Variants in MAF observed in about 807,000 individuals in gnomAD.
The protein encoded by MAF is transcription factor Maf.
Under a neutral mutation model 22.0 loss-of-function variants are expected in MAF, and 10 were observed. The ratio of observed to expected loss-of-function variants is 0.45; its 90% CI spans 0.28 to 0.77. The LOEUF is 0.77. Ranked by LOEUF, MAF falls within the 30% of genes least tolerant of loss-of-function variation. The pLI, the probability that MAF is intolerant of heterozygous loss-of-function variation, is 0.12. For synonymous variants in MAF, 337 were observed against 255.8 expected (o/e 1.32, Z -3.03); for missense variants, 544 against 548.4 (o/e 0.99, Z 0.08).
the MAF span, among the ~76,000 whole-genome samples, chr16:79,396,957 C>A: frequency 6.6e-6 from 1 of 152,250 alleles, no homozygotes; most frequent in Non-Finnish European, 1.5e-5. Context: ...TCCAGGCCAG[C>A]TGGCCTTGCA....
the MAF span, among the ~76,000 whole-genome samples, chr16:79,288,122 C>A: frequency 1.8e-4 from 28 of 152,056 alleles, no homozygotes; most frequent in Non-Finnish European, 7.4e-5. Flanking sequence ...GAAGGGGAAG[C>A]AGGGGAGGAG....
chr16:79,319,447 T>C, the MAF span, among the ~76,000 whole-genome samples: 1 of 152,240 alleles, frequency 6.6e-6, no homozygotes, highest in Admixed American at 6.5e-5. Flanking sequence ...GGATATTAGC[T>C]AGTGGATTAA....
the MAF span, among the ~76,000 whole-genome samples, chr16:79,419,037 A>T: frequency 6.6e-6 from 1 of 152,256 alleles, no homozygotes; most frequent in Non-Finnish European, 1.5e-5. Context: ...TTATTAAATT[A>T]GTTTTCATAA....
the MAF span, among the ~76,000 whole-genome samples, chr16:79,336,114 C>T: frequency 1.2e-4 from 18 of 152,178 alleles, no homozygotes; most frequent in African/African-American, 4.3e-4. Flanking sequence ...ACCCAGCTCT[C>T]CAAGGTCATG....
the MAF span, among the ~76,000 whole-genome samples, chr16:79,496,490 C>T: frequency 1.3e-5 from 2 of 152,226 alleles, no homozygotes; most frequent in African/African-American, 2.4e-5. Flanking sequence ...CCCTGCATGA[C>T]ACTCCTCAGG....
the MAF span, among the ~76,000 whole-genome samples, chr16:79,560,450 T>G: frequency 6.6e-6 from 1 of 152,102 alleles, no homozygotes; most frequent in Non-Finnish European, 1.5e-5. Context: ...CTATTTTGTT[T>G]TTCTACAACT....
At chr16:79,219,050 G>C in the MAF span, among the ~76,000 whole-genome samples, 100,980 of 152,152 alleles carry the variant, frequency 0.66, 34,400 homozygotes, top group African/African-American at 0.71. Flanking sequence ...TTAGAAAGAA[G>C]TGTCTTGCCT....
the MAF span, among the ~76,000 whole-genome samples, chr16:79,439,643 T>C: frequency 1.3e-5 from 2 of 152,158 alleles, no homozygotes; most frequent in Non-Finnish European, 2.9e-5. Context: ...GCAAAAACAG[T>C]CTGCTCTGCT....
the MAF span, among the ~76,000 whole-genome samples, chr16:79,208,207 C>T: frequency 1.3e-5 from 2 of 152,262 alleles, no homozygotes; most frequent in African/African-American, 2.4e-5. Flanking sequence ...TTGACTAGAT[C>T]GGAAATGGCA....
chr16:79,567,541 A>G, the MAF span, among the ~76,000 whole-genome samples: 1 of 152,120 alleles, frequency 6.6e-6, no homozygotes, highest in African/African-American at 2.4e-5. Context: ...CAATGATATT[A>G]GCAAACTAGT....
At chr16:79,507,070 A>C in the MAF span, among the ~76,000 whole-genome samples, 1 of 151,176 alleles carries the variant, frequency 6.6e-6, no homozygotes, top group South Asian at 2.1e-4. Flanking sequence ...GTGTACCACT[A>C]GTGTTATTTA....
At chr16:79,257,055 T>G in the MAF span, among the ~76,000 whole-genome samples, 1 of 152,094 alleles carries the variant, frequency 6.6e-6, no homozygotes, top group African/African-American at 2.4e-5. Context: ...TGGGCGCCTG[T>G]AGTCTTGGTT....
chr16:79,437,285 C>A, the MAF span, among the ~76,000 whole-genome samples: 4 of 152,092 alleles, frequency 2.6e-5, no homozygotes, highest in African/African-American at 4.8e-5. Flanking sequence ...AGCTCTCCTT[C>A]GTGCAAATTA....
At chr16:79,301,779 G>A in the MAF span, among the ~76,000 whole-genome samples, 2 of 152,130 alleles carry the variant, frequency 1.3e-5, no homozygotes, top group East Asian at 3.9e-4. Flanking sequence ...CACTTACTGT[G>A]CTCTGGGTAT....
chr16:79,587,589 TTG>T (rs1200855619), intron 1 of MAF, among the ~76,000 whole-genome samples: 1 of 152,182 alleles, frequency 6.6e-6, no homozygotes, highest in East Asian at 1.9e-4. Flanking sequence ...GATCATATAC[TTG>T]TGAGGCATTT....
chr16:79,560,522 T>C, the MAF span, among the ~76,000 whole-genome samples: 7 of 151,962 alleles, frequency 4.6e-5, no homozygotes, highest in African/African-American at 1.4e-4. Context: ...TATGATGCAA[T>C]GGTTTGCTGA....
chr16:79,527,040 G>A, the MAF span, among the ~76,000 whole-genome samples: 1 of 152,200 alleles, frequency 6.6e-6, no homozygotes, highest in Non-Finnish European at 1.5e-5. Flanking sequence ...CTTGGGAGCT[G>A]CTACAAACTA....
the MAF span, among the ~76,000 whole-genome samples, chr16:79,255,630 C>T: frequency 3.3e-5 from 5 of 152,200 alleles, no homozygotes; most frequent in Non-Finnish European, 7.3e-5. Context: ...CTTCTAAACT[C>T]TTGGTCTGTG....
chr16:79,461,586 C>G, the MAF span, among the ~76,000 whole-genome samples: 205 of 152,320 alleles, frequency 1.3e-3, 2 homozygotes, highest in African/African-American at 4.8e-3. Context: ...CGTCTAACTG[C>G]AGAGGATTCT....
Sources: gnomAD v4.1 joint callset for allele counts (sites outside exome capture counted in the v4.1 genomes callset) on GRCh38, gnomAD v4.1.1 for gene constraint, MANE v1.5 for transcripts, NCBI Gene and HGNC (gene_info 2026-07-23, HGNC 2026-07-21) for gene names.